CSNK1G1: variants seen among roughly 807,000 people sequenced by gnomAD.
CSNK1G1 encodes the protein casein kinase I isoform gamma-1.
Under a neutral mutation model 59.6 loss-of-function variants are expected in CSNK1G1, and 22 were observed. The ratio of observed to expected loss-of-function variants is 0.37; its 90% confidence interval spans 0.26 to 0.53. The LOEUF (loss-of-function observed/expected upper bound fraction) is 0.53, where lower values mean the gene tolerates loss of function less well. CSNK1G1 is among the 20% of genes least tolerant of loss of function. The pLI is 0.89. For missense variants in CSNK1G1, 384 were observed against 519.5 expected, an observed-to-expected ratio of 0.74 and a Z score of 2.54; for synonymous variants, 179 against 177.1, an observed-to-expected ratio of 1.01 and a Z score of -0.08.
rs1394177366 is a variant in CSNK1G1, at chr15:64,326,696, CCGGTCTACAGCTT to C, written c.-224-25986_-224-25974del. On this transcript the variant is annotated intron_variant, in intron 1 of 11. Transcript: ENST00000303052. The stretch of plus-strand genomic sequence containing the variant: ...CCAAGATGGCCGAATAGGAACAGCT[CCGGTCTACAGCTT>C]CCAGCATGAGCGACGCAGAAGACGG... 3.3e-5 allele frequency among the ~76,000 whole-genome samples: 5 copies of C among 151,892 alleles called. No homozygotes were observed. In the East Asian group the frequency reaches 7.8e-4, roughly 24 times the overall value.
intron 4 of CSNK1G1, among the ~76,000 whole-genome samples, chr15:64,239,122 A>T (rs2082660180): frequency 6.6e-6 from 1 of 152,208 alleles, no homozygotes; most frequent in Non-Finnish European, 1.5e-5. Flanking sequence ...CAACCGGCAC[A>T]CTAAGACCCA....
chr15:64,193,313 A>C (rs919463668), intron 10 of CSNK1G1, among the ~76,000 whole-genome samples: 1 of 151,946 alleles, frequency 6.6e-6, no homozygotes, highest in African/African-American at 2.4e-5. Context: ...AACACGGTGA[A>C]ACCCCGTCTC....
intron 4 of CSNK1G1, among the ~76,000 whole-genome samples, chr15:64,239,129 C>T (rs1449783637): frequency 5.9e-5 from 9 of 152,152 alleles, no homozygotes; most frequent in Admixed American, 5.9e-4. Context: ...CACACTAAGA[C>T]CCAACTGCAG....
chr15:64,209,005 G>C (rs2082218182), intron 6 of CSNK1G1, among the ~76,000 whole-genome samples: 1 of 151,600 alleles, frequency 6.6e-6, no homozygotes, highest in Non-Finnish European at 1.5e-5. Context: ...TCCCACCTCA[G>C]CTTCCTCACT....
intron 2 of CSNK1G1, among the ~76,000 whole-genome samples, chr15:64,267,999 G>A (rs951664508): frequency 2.0e-5 from 3 of 152,174 alleles, no homozygotes; most frequent in Admixed American, 6.6e-5. Flanking sequence ...AATTGGGGAG[G>A]GGAGGGGAGG....
intron 2 of CSNK1G1, among the ~76,000 whole-genome samples, chr15:64,286,556 T>C (rs1482948585): frequency 1.3e-5 from 2 of 152,226 alleles, no homozygotes; most frequent in South Asian, 4.1e-4. Context: ...CATTGCAGTA[T>C]AGTTACTAAT....
At position 64,173,601 on chromosome 15, in the gene CSNK1G1, TTTTC is replaced by T. The variant is rs1489821630; in HGVS notation, c.1215-1620_1215-1617del. ...AAGAACAAATGGTGTTTTTTGGTGT[TTTTC>T]TTTCTTTTCTTTTCTTTTTTTTTTT... On this transcript the variant is annotated intron_variant, in intron 11 of 11. Transcript: ENST00000303052. Among the ~76,000 whole-genome samples the T allele has an allele frequency of 1.3e-4, 19 of 151,180 alleles. 1 individual carries two copies. The South Asian group carries it at 3.7e-3, about 30-fold the overall frequency.
At chr15:64,189,363 T>C in intron 10 of CSNK1G1, 1 of 1,252,322 alleles carries the variant, frequency 8.0e-7, no homozygotes, top group Non-Finnish European at 1.0e-6. Flanking sequence ...TCTGCTACTA[T>C]TCTGATCTTG....
chr15:64,260,787 T>G (rs1892650578), intron 2 of CSNK1G1, among the ~76,000 whole-genome samples: 2 of 152,036 alleles, frequency 1.3e-5, no homozygotes, highest in South Asian at 4.1e-4. Context: ...AAATTCTCAT[T>G]TACAAACCTC....
chr15:64,296,813 G>A (rs1039458859), intron 2 of CSNK1G1, among the ~76,000 whole-genome samples: 4 of 151,302 alleles, frequency 2.6e-5, no homozygotes, highest in African/African-American at 7.3e-5. Context: ...GCAGTGAGCC[G>A]AGATTGTGCC....
chr15:64,259,697 G>T (rs1892592945), intron 2 of CSNK1G1, among the ~76,000 whole-genome samples: 1 of 152,036 alleles, frequency 6.6e-6, no homozygotes, highest in Admixed American at 6.6e-5. Flanking sequence ...GTCAACTTTG[G>T]ATGGCATAAA....
chr15:64,278,727 TA>T (rs1893949178), intron 2 of CSNK1G1, among the ~76,000 whole-genome samples: 1 of 152,048 alleles, frequency 6.6e-6, no homozygotes, highest in African/African-American at 2.4e-5. Context: ...TGCCCAGCCA[TA>T]AAAGTAGATT....
chr15:64,278,559 G>C (rs542599037), intron 2 of CSNK1G1, among the ~76,000 whole-genome samples: 1 of 151,730 alleles, frequency 6.6e-6, no homozygotes, highest in East Asian at 1.9e-4. Context: ...CTTCCAAGTA[G>C]TCAGGACTAC....
intron 1 of CSNK1G1, among the ~76,000 whole-genome samples, chr15:64,333,252 C>T (rs1234449851): frequency 3.3e-5 from 2 of 60,430 alleles, no homozygotes; most frequent in African/African-American, 1.3e-4. Context: ...AGTGAGACTC[C>T]ATCTCAAAAA....
At chr15:64,231,557 T>C (rs2082549897) in intron 4 of CSNK1G1, among the ~76,000 whole-genome samples, 1 of 151,556 alleles carries the variant, frequency 6.6e-6, no homozygotes, top group Non-Finnish European at 1.5e-5. Flanking sequence ...TGCTCAAGAA[T>C]ATCTCTTTAA....
At chr15:64,174,488 G>A (rs1452325820) in intron 11 of CSNK1G1, among the ~76,000 whole-genome samples, 1 of 152,190 alleles carries the variant, frequency 6.6e-6, no homozygotes, top group African/African-American at 2.4e-5. Flanking sequence ...ATTAAACTGG[G>A]TCAGACTCTA....
chr15:64,286,380 TAAC>T (rs1894422923), intron 2 of CSNK1G1, among the ~76,000 whole-genome samples: 1 of 152,142 alleles, frequency 6.6e-6, no homozygotes, highest in South Asian at 2.1e-4. Flanking sequence ...ACAATATTGT[TAAC>T]AATATATTGT....
chr15:64,238,852 C>T (rs2082656191), intron 4 of CSNK1G1, among the ~76,000 whole-genome samples: 1 of 151,958 alleles, frequency 6.6e-6, no homozygotes, highest in Admixed American at 6.6e-5. Flanking sequence ...GACCCTGAGC[C>T]TAGGATCCTA....
intron 11 of CSNK1G1, among the ~76,000 whole-genome samples, chr15:64,178,981 A>G (rs1467941295): frequency 6.9e-6 from 1 of 145,792 alleles, no homozygotes; most frequent in Non-Finnish European, 1.5e-5. Flanking sequence ...AAACCTCTAG[A>G]CTCAAGTGAT....
Sources: gnomAD v4.1 joint callset for allele counts (sites outside exome capture counted in the v4.1 genomes callset) on GRCh38, gnomAD v4.1.1 for gene constraint, MANE v1.5 for transcripts, NCBI Gene and HGNC (gene_info 2026-07-23, HGNC 2026-07-21) for gene names.